Variants in GMPR observed in about 807,000 individuals in gnomAD.
GMPR encodes the protein guanosine monophosphate reductase.
A neutral mutation model predicts 38.4 loss-of-function variants in GMPR; 31 were observed. That is an observed-to-expected ratio of 0.81 (90% CI 0.61 to 1.09). The LOEUF is 1.09. GMPR is among the 50% of genes least tolerant of loss of function. The pLI, the probability that GMPR is intolerant of heterozygous loss-of-function variation, is 0.00. For synonymous variants in GMPR, 162 were observed against 173.3 expected, an observed-to-expected ratio of 0.93 and a Z score of 0.51; for missense variants, 468 against 453.7, an observed-to-expected ratio of 1.03 and a Z score of -0.29.
chr6:16,279,128 G>C (rs1458414110), intron 6 of GMPR, among the ~76,000 whole-genome samples: 1 of 152,230 alleles, frequency 6.6e-6, no homozygotes, highest in Non-Finnish European at 1.5e-5. Context: ...TGAGGGATGT[G>C]CAGGCAGCTT....
intron 1 of GMPR, among the ~76,000 whole-genome samples, chr6:16,241,552 C>T (rs528680722): frequency 2.6e-5 from 4 of 152,286 alleles, no homozygotes; most frequent in South Asian, 4.1e-4. Flanking sequence ...AAGAATAAAG[C>T]GCCACAGGGT....
rs1394498710 is a variant in GMPR at position 16,295,204 on chromosome 6, CG to C, written c.*19del. ...TCAGCTAACCCTGGGGACAAAGCAGCGTCTGGCTCGAGTGGAAGCGTCCAAA... is the reference window on the plus strand; with the variant it reads ...TCAGCTAACCCTGGGGACAAAGCAGCTCTGGCTCGAGTGGAAGCGTCCAAA... On this transcript the variant is annotated 3_prime_UTR_variant, in exon 9 of 9. Transcript: ENST00000259727. 1 of 1,484,676 alleles carries C rather than the reference CG, an allele frequency of 6.7e-7. No homozygotes were observed. Among genetic ancestry groups the C allele is most frequent in the African/African-American group, 1.5e-5 (1 of 68,666 alleles). 92.0% of individuals were successfully genotyped at this position (1,484,676 alleles called of 1,614,324 possible).
chr6:16,258,945 G>A (rs1247030455), intron 4 of GMPR, among the ~76,000 whole-genome samples: 1 of 152,194 alleles, frequency 6.6e-6, no homozygotes, highest in East Asian at 1.9e-4. Context: ...CCTGGCCTCT[G>A]CACCAGGAGT....
At chr6:16,253,793 C>T (rs1446003693) in intron 3 of GMPR, among the ~76,000 whole-genome samples, 1 of 152,256 alleles carries the variant, frequency 6.6e-6, no homozygotes, top group African/African-American at 2.4e-5. Flanking sequence ...GTGAAGGCCA[C>T]AGCTTTCATG....
rs1581665383 is a variant in GMPR, at chr6:16,285,378, CAG to C, written c.655-410_655-409del. Among the ~76,000 whole-genome samples the C allele has an allele frequency of 2.6e-5, 4 of 152,320 alleles. No individual in the cohort carries two copies. The Middle Eastern group carries it at 0.014, about 518-fold the overall frequency. On this transcript the variant is annotated intron_variant, in intron 6 of 8. Transcript: ENST00000259727. The stretch of plus-strand genomic sequence containing the variant: ...TAAATAAATCTCACCTCACACCAGG[CAG>C]AGAGGGAAAGGTGACTCCTGAGTGA...
At chr6:16,249,166 A>ATTTTTTT (rs11292107) in intron 2 of GMPR, among the ~76,000 whole-genome samples, 2 of 96,440 alleles carry the variant, frequency 2.1e-5, no homozygotes, top group African/African-American at 4.5e-5. Context: ...ACATTTTGTA[A>ATTTTTTT]TTTTTTTTTT....
rs143592246 is a variant in GMPR at position 16,289,116 on chromosome 6, C to T, written c.698-1346C>T. Among the ~76,000 whole-genome samples the T allele has an allele frequency of 9.8e-5, 15 of 152,348 alleles. No homozygotes were observed. In the East Asian group the frequency reaches 1.2e-3, roughly 12 times the overall value. On this transcript the variant is annotated intron_variant, in intron 7 of 8. Transcript: ENST00000259727. Reference sequence around the variant, plus strand: ...GCAATAGATTCTGTTGCTGCTCGGTCTTTAGGCCCACACTGCTTTTATGAG... The same window carrying T: ...GCAATAGATTCTGTTGCTGCTCGGTTTTTAGGCCCACACTGCTTTTATGAG...
intron 4 of GMPR, among the ~76,000 whole-genome samples, chr6:16,267,647 C>T (rs181454119): frequency 1.8e-3 from 278 of 152,302 alleles, no homozygotes; most frequent in Non-Finnish European, 2.9e-3. Context: ...AGCCGAAGGT[C>T]TGTGGCTCCA....
At chr6:16,247,180 T>C (rs1758774136) in intron 2 of GMPR, among the ~76,000 whole-genome samples, 1 of 152,122 alleles carries the variant, frequency 6.6e-6, no homozygotes, top group Non-Finnish European at 1.5e-5. Flanking sequence ...TGAAAATGAC[T>C]GTGATGGTTT....
At position 16,238,618 on chromosome 6, in the gene GMPR, C is replaced by G; in HGVS notation, c.-76C>G. 2 of 443,892 alleles carry G rather than the reference C, an allele frequency of 4.5e-6. No individual in the cohort carries two copies. The highest frequency in any genetic ancestry group is 6.2e-6 in the Non-Finnish European group (2 of 322,388). The allele number at this position is 443,892 out of a possible 1,614,324, so 27.5% of individuals were successfully genotyped here. On this transcript the variant is annotated 5_prime_UTR_variant, in exon 1 of 9. Coordinates refer to ENST00000259727, the MANE Select transcript of GMPR (RefSeq NM_006877.4). Reference sequence around the variant, plus strand: ...GCTCCCGGCCGCGGCACAGCAGCCCCGGCGCTCCCCGCGCCGCCCCGCGCA... The same window carrying G: ...GCTCCCGGCCGCGGCACAGCAGCCCGGGCGCTCCCCGCGCCGCCCCGCGCA...
At chr6:16,286,776 C>T (rs1355959338) in intron 7 of GMPR, among the ~76,000 whole-genome samples, 1 of 151,794 alleles carries the variant, frequency 6.6e-6, no homozygotes, top group Admixed American at 6.6e-5. Context: ...TGTGGTGGTG[C>T]ACGCCTGTAA....
chr6:16,254,747 A>G lies in GMPR; in HGVS notation c.465+12A>G. On this transcript the variant is annotated intron_variant, in intron 4 of 8. Coordinates refer to ENST00000259727, the MANE Select transcript of GMPR (RefSeq NM_006877.4). ...AACACACCATTATGGTAAGTACGGTAGAACATTACGGTAGAACATTCTCAA... is the reference window on the plus strand; with the variant it reads ...AACACACCATTATGGTAAGTACGGTGGAACATTACGGTAGAACATTCTCAA... 6.3e-7 allele frequency: 1 copy of G among 1,596,658 alleles called. No individual in the cohort carries two copies. The highest frequency in any genetic ancestry group is 2.2e-5 in the East Asian group (1 of 44,764).
intron 4 of GMPR, among the ~76,000 whole-genome samples, chr6:16,267,262 C>T (rs1213358051): frequency 3.3e-5 from 5 of 151,984 alleles, no homozygotes; most frequent in African/African-American, 1.2e-4. Context: ...GTCCCAGCTA[C>T]TCGGGAGGCT....
intron 4 of GMPR, among the ~76,000 whole-genome samples, chr6:16,268,558 G>A (rs1331663349): frequency 6.6e-6 from 1 of 152,184 alleles, no homozygotes; most frequent in Non-Finnish European, 1.5e-5. Flanking sequence ...GGGATTACAG[G>A]CGTGAGCCAC....
chr6:16,285,028 AAAAAC>A (rs1306142466), intron 6 of GMPR, among the ~76,000 whole-genome samples: 21 of 132,048 alleles, frequency 1.6e-4, no homozygotes, highest in South Asian at 4.9e-4. Flanking sequence ...AAAAAAAAAA[AAAAAC>A]AAAAAAAAAA....
intron 4 of GMPR, among the ~76,000 whole-genome samples, chr6:16,266,208 C>T (rs1759216178): frequency 1.3e-5 from 2 of 149,406 alleles, no homozygotes; most frequent in South Asian, 4.3e-4. Flanking sequence ...GTAACACTCG[C>T]TGCGAAGAAT....
intron 4 of GMPR, among the ~76,000 whole-genome samples, chr6:16,265,002 T>C (rs935895816): frequency 6.6e-6 from 1 of 152,168 alleles, no homozygotes; most frequent in African/African-American, 2.4e-5. Context: ...TTGAAGAGTA[T>C]ACCAAGTCCT....
chr6:16,251,144 T>C (rs1758866399), intron 3 of GMPR, among the ~76,000 whole-genome samples: 1 of 152,272 alleles, frequency 6.6e-6, no homozygotes, highest in East Asian at 1.9e-4. Context: ...AACCCAAATG[T>C]CTATCAGTGG....
chr6:16,239,477 G>C (rs1370488078), intron 1 of GMPR, among the ~76,000 whole-genome samples: 1 of 152,244 alleles, frequency 6.6e-6, no homozygotes, highest in African/African-American at 2.4e-5. Flanking sequence ...GTGGAGACCG[G>C]ACTGGAAATA....
Sources: gnomAD v4.1 joint callset for allele counts (sites outside exome capture counted in the v4.1 genomes callset) on GRCh38, gnomAD v4.1.1 for gene constraint, MANE v1.5 for transcripts, NCBI Gene and HGNC (gene_info 2026-07-23, HGNC 2026-07-21) for gene names.